Variants in FLRT1 observed in about 807,000 individuals in gnomAD.
The protein encoded by FLRT1 is leucine-rich repeat transmembrane protein FLRT1.
FLRT1 carries 14 observed loss-of-function variants against 30.9 expected under a neutral mutation model. That is an observed-to-expected ratio of 0.45 (90% CI 0.30 to 0.71). The LOEUF (loss-of-function observed/expected upper bound fraction) is 0.71. Ranked by LOEUF, FLRT1 falls within the 30% of genes least tolerant of loss-of-function variation. The pLI, the probability that FLRT1 is intolerant of heterozygous loss-of-function variation, is 0.08. For missense variants in FLRT1, 737 were observed against 949.2 expected, an observed-to-expected ratio of 0.78 and a Z score of 2.94; for synonymous variants, 368 against 430.4, an observed-to-expected ratio of 0.85 and a Z score of 1.80.
chr11:64,089,997 T>C (rs1944461979), intron 1 of FLRT1, among the ~76,000 whole-genome samples: 1 of 152,166 alleles, frequency 6.6e-6, no homozygotes, highest in Non-Finnish European at 1.5e-5. Context: ...TCAGCACTTA[T>C]GACAAGGCCC....
chr11:64,108,085 G>A (rs2154986), intron 2 of FLRT1, among the ~76,000 whole-genome samples: 1 of 151,870 alleles, frequency 6.6e-6, no homozygotes, highest in South Asian at 2.1e-4. Context: ...AGGCCGAGGC[G>A]GGCAGATCAC....
At chr11:64,055,573 C>T (rs554688443) in intron 1 of FLRT1, among the ~76,000 whole-genome samples, 4 of 152,310 alleles carry the variant, frequency 2.6e-5, no homozygotes, top group Admixed American at 6.5e-5. Context: ...CACAAGGGGA[C>T]TTTCTCTGTC....
chr11:64,042,877 C>T (rs994368734), intron 1 of FLRT1, among the ~76,000 whole-genome samples: 2 of 152,208 alleles, frequency 1.3e-5, no homozygotes, highest in African/African-American at 4.8e-5. Flanking sequence ...TTTCCAGGGG[C>T]TTCTGGCTTG....
intron 1 of FLRT1, among the ~76,000 whole-genome samples, chr11:64,043,034 G>T (rs953159228): frequency 2.6e-5 from 4 of 152,208 alleles, no homozygotes; most frequent in African/African-American, 9.7e-5. Flanking sequence ...TGGAGTCGAT[G>T]AACTTGGGCT....
intron 1 of FLRT1, among the ~76,000 whole-genome samples, chr11:64,069,441 CCA>C (rs1389838714): frequency 6.6e-6 from 1 of 152,216 alleles, no homozygotes; most frequent in African/African-American, 2.4e-5. Flanking sequence ...GTCTTGGAGC[CCA>C]CTCCCCAAGG....
At position 64,116,714 on chromosome 11, in the gene FLRT1, C is replaced by T; in HGVS notation, c.447C>T (p.Arg149=). 6.2e-7 allele frequency: 1 copy of T among 1,613,814 alleles called. No individual in the cohort carries two copies. Among genetic ancestry groups the T allele is most frequent in the Non-Finnish European group, 8.5e-7 (1 of 1,180,034 alleles). ...CCATTGCCAGGGACTCGCTGGCCCG[C>T]ATCCCGCTGCTGGAGAAGCTGCACC... ...VRTIARDSLA[R]IPLLEKLHLD... is the part of the protein sequence containing the mutation. The change falls in exon 3 of 3, where the codon CGC becomes CGT. Residue 149 remains arginine (R), a synonymous_variant. Transcript: ENST00000682287.
intron 1 of FLRT1, among the ~76,000 whole-genome samples, chr11:64,040,554 G>A (rs1943464781): frequency 1.3e-5 from 2 of 152,228 alleles, no homozygotes; most frequent in Admixed American, 1.3e-4. Context: ...CTGGAAGAGT[G>A]GGCTTCCTAG....
intron 1 of FLRT1, among the ~76,000 whole-genome samples, chr11:64,068,073 T>C (rs1345071502): frequency 2.6e-5 from 4 of 152,190 alleles, no homozygotes; most frequent in Non-Finnish European, 5.9e-5. Flanking sequence ...AAAATGATTC[T>C]CAAACCGGAG....
intron 1 of FLRT1, among the ~76,000 whole-genome samples, chr11:64,069,226 G>A (rs1242339468): frequency 2.6e-5 from 4 of 152,300 alleles, no homozygotes; most frequent in East Asian, 3.9e-4. Flanking sequence ...CGAGGTGGGC[G>A]CCTTCACCTG....
At chr11:64,039,396 A>G (rs530866271) in intron 1 of FLRT1, among the ~76,000 whole-genome samples, 29 of 152,114 alleles carry the variant, frequency 1.9e-4, no homozygotes, top group African/African-American at 5.8e-4. Flanking sequence ...CTGCCTTCCA[A>G]GTGTGTTTGA....
At chr11:64,040,497 C>A (rs1480668205) in intron 1 of FLRT1, among the ~76,000 whole-genome samples, 1 of 152,170 alleles carries the variant, frequency 6.6e-6, no homozygotes, top group African/African-American at 2.4e-5. Context: ...TCTCAGGATT[C>A]CTGGGTCTGC....
At chr11:64,042,415 G>C (rs1943505621) in intron 1 of FLRT1, among the ~76,000 whole-genome samples, 1 of 152,212 alleles carries the variant, frequency 6.6e-6, no homozygotes, top group South Asian at 2.1e-4. Context: ...TGGGGAATGG[G>C]GGGGTGTGAA....
chr11:64,039,298 G>A (rs1040740266), intron 1 of FLRT1, among the ~76,000 whole-genome samples: 2 of 152,154 alleles, frequency 1.3e-5, no homozygotes, highest in Admixed American at 1.3e-4. Flanking sequence ...GGACTGCCCC[G>A]GGGGTAGCTT....
chr11:64,101,977 C>T (rs1013928835), intron 1 of FLRT1, among the ~76,000 whole-genome samples: 8 of 152,192 alleles, frequency 5.3e-5, no homozygotes, highest in Non-Finnish European at 7.4e-5. Flanking sequence ...CTGTGAGCCC[C>T]GTGGGCAGCC....
intron 1 of FLRT1, among the ~76,000 whole-genome samples, chr11:64,042,069 C>T: frequency 6.6e-6 from 1 of 152,144 alleles, no homozygotes; most frequent in Non-Finnish European, 1.5e-5. Context: ...AGGCCTGGAG[C>T]TGGCCACAGG....
rs746377162 is a variant in FLRT1, at chr11:64,116,563, C to G, written c.296C>G (p.Pro99Arg). The stretch of plus-strand genomic sequence containing the variant: ...AACCAGATCAACAACGCCGGCATCC[C>G]CCAGGACCTCAAGACCAAGGTCAAC... The part of the protein sequence containing the change: ...QNNQINNAGI[P>R]QDLKTKVNVQ... Residue 99 changes from proline (P) to arginine (R), a missense_variant, in exon 3 of 3, where the codon CCC (proline) becomes CGC (arginine). By Grantham distance (103) the Pro-to-Arg change is moderately radical. Coordinates refer to ENST00000682287, the MANE Select transcript of FLRT1 (RefSeq NM_013280.5). 5 of 1,613,994 alleles carry G rather than the reference C, an allele frequency of 3.1e-6. No homozygotes were observed. The East Asian group carries it at 1.1e-4, about 36-fold the overall frequency.
At chr11:64,081,857 CGTGGTTCCA>C (rs1216587273) in intron 1 of FLRT1, 2 of 152,120 alleles carry the variant, frequency 1.3e-5, no homozygotes, top group Non-Finnish European at 2.9e-5. Flanking sequence ...AGACTGAGGC[CGTGGTTCCA>C]GTGGCTGCTC....
chr11:64,068,847 T>C (rs1434718437), intron 1 of FLRT1, among the ~76,000 whole-genome samples: 1 of 152,210 alleles, frequency 6.6e-6, no homozygotes, highest in East Asian at 1.9e-4. Flanking sequence ...CCCAGCCTGG[T>C]TGAGTGAGCC....
Position 64,101,336 on chromosome 11 carries a change from G to A in FLRT1, c.-1037-1858G>A, listed in dbSNP as rs1019640091. On this transcript the variant is annotated intron_variant, in intron 1 of 2. Transcript: ENST00000682287. ...TATGGGACGCTCTCAGGATAAAGCC[G>A]AGAAGCTATGGGAAGGGTCTGAGGT... 4.6e-5 allele frequency among the ~76,000 whole-genome samples: 7 copies of A among 152,298 alleles called. No individual in the cohort carries two copies. The East Asian group carries it at 7.7e-4, about 17-fold the overall frequency.
Sources: allele counts gnomAD v4.1 joint callset (sites outside exome capture counted in the v4.1 genomes callset), GRCh38; gene constraint gnomAD v4.1.1; transcripts MANE v1.5; gene names NCBI Gene and HGNC (gene_info 2026-07-23, HGNC 2026-07-21).